Variants in DNAAF2 observed in about 807,000 individuals in gnomAD.
DNAAF2 encodes the protein protein kintoun.
In DNAAF2, 58 loss-of-function variants were observed where a neutral mutation model predicts 48.8. That is an observed-to-expected ratio of 1.19 (90% confidence interval 0.96 to 1.48). The LOEUF (loss-of-function observed/expected upper bound fraction) is 1.48. Ranked by LOEUF, DNAAF2 falls within the 40% of genes most tolerant of loss-of-function variation. The pLI, the probability that DNAAF2 is intolerant of heterozygous loss-of-function variation, is 0.00. For synonymous variants in DNAAF2, 567 were observed against 481.2 expected (o/e 1.18, Z -2.33); for missense variants, 1,241 against 1,116.1 (o/e 1.11, Z -1.59).
rs752558578 is a variant in DNAAF2, at chr14:49,634,477, G to T, written c.673C>A (p.Pro225Thr). The T allele has an allele frequency of 1.9e-6, 3 of 1,581,320 alleles. No homozygotes were observed. Among genetic ancestry groups the T allele is most frequent in the Non-Finnish European group, 1.7e-6 (2 of 1,169,694 alleles). The change falls in exon 1 of 3, where the codon CCC (proline) becomes ACC (threonine). Residue 225 changes from proline to threonine, a missense_variant. Physicochemically the swap from Pro to Thr is conservative, Grantham distance 38. Coordinates refer to ENST00000298292, the MANE Select transcript of DNAAF2 (RefSeq NM_018139.3). Reference protein sequence around the residue: ...GEPKGPLPDFPYPYQYPAAPG... With the variant: ...GEPKGPLPDFTYPYQYPAAPG... ...GCTGCCGGGTACTGGTAAGGGTAGG[G>T]GAAGTCCGGGAGAGGACCCTTCGGC...
chr14:49,633,841 C>A lies in DNAAF2; in HGVS notation c.1309G>T (p.Glu437Ter), dbSNP rs1185151033. The A allele has an allele frequency of 6.4e-7, 1 of 1,566,910 alleles. No homozygotes were observed. Among genetic ancestry groups the A allele is most frequent in the Non-Finnish European group, 8.6e-7 (1 of 1,164,236 alleles). ...AGEERVPKPG[E>*]QDLSRHAGSP... ...CCCGCGTGCCTGCTCAAGTCCTGCT[C>A]CCCCGGCTTGGGGACACGCTCCTCT... is the stretch of plus-strand genomic sequence containing the variant. Residue 437 changes from glutamate to a stop codon, truncating the protein, a stop_gained, in exon 1 of 3, where the codon GAG becomes TAG. Transcript: ENST00000298292. LOFTEE classifies it high-confidence loss of function.
At position 49,634,898 on chromosome 14, in the gene DNAAF2, CCCGTCCAGGCTGGTGCGCAGCACA is replaced by C. The variant is rs1404465441; in HGVS notation, c.228_251del (p.His76_Gly84delinsGln). ...AGACATTCACAAAGCAGCGCCGCGC[CCCGTCCAGGCTGGTGCGCAGCACA>C]TGGCCGGGCTCCGGGTGCACGAACC... On this transcript the variant is annotated inframe_deletion, in exon 1 of 3. Transcript: ENST00000298292. 7.1e-6 allele frequency: 11 copies of C among 1,550,312 alleles called. No individual in the cohort carries two copies. Among genetic ancestry groups the C allele is most frequent in the African/African-American group, 1.4e-5 (1 of 73,070 alleles).
intron 1 of DNAAF2, among the ~76,000 whole-genome samples, chr14:49,631,316 G>C (rs1883157430): frequency 6.6e-6 from 1 of 152,148 alleles, no homozygotes; most frequent in Non-Finnish European, 1.5e-5. Context: ...TAGTGGACAT[G>C]GTTATGATTA....
At chr14:49,631,137 A>C (rs1209494088) in intron 1 of DNAAF2, among the ~76,000 whole-genome samples, 1 of 152,208 alleles carries the variant, frequency 6.6e-6, no homozygotes, top group African/African-American at 2.4e-5. Context: ...TTTTACATTT[A>C]GAGTAACTGG....
chr14:49,627,050 T>A (rs972076941), intron 2 of DNAAF2, among the ~76,000 whole-genome samples: 6 of 151,650 alleles, frequency 4.0e-5, no homozygotes, highest in Non-Finnish European at 8.8e-5. Flanking sequence ...GTGATCCGCC[T>A]GCCTCGGTCT....
In DNAAF2 at chr14:49,633,622, T is replaced by A. The variant is rs571106004; in HGVS notation, c.1528A>T (p.Met510Leu). Residue 510 changes from methionine to leucine, a missense_variant, in exon 1 of 3, where the codon ATG (methionine) becomes TTG (leucine). Physicochemically the swap from Met to Leu is conservative, Grantham distance 15. Coordinates refer to ENST00000298292, the MANE Select transcript of DNAAF2 (RefSeq NM_018139.3). ...GTGGQRSACA[M>L]GGPGTKSGEP... ...CCGCTCTTGGTCCCGGGACCACCCATGGCGCAGGCTGAGCGCTGGCCGCCC... is the reference window on the plus strand; with the variant it reads ...CCGCTCTTGGTCCCGGGACCACCCAAGGCGCAGGCTGAGCGCTGGCCGCCC... 5.0e-6 allele frequency: 8 copies of A among 1,613,544 alleles called. No homozygotes were observed. In the South Asian group the frequency reaches 8.8e-5, roughly 18 times the overall value.
At chr14:49,632,291 A>G (rs775931387) in intron 1 of DNAAF2, among the ~76,000 whole-genome samples, 8 of 151,982 alleles carry the variant, frequency 5.3e-5, no homozygotes, top group Admixed American at 1.3e-4. Flanking sequence ...CCAGCTATTT[A>G]TTTTACCACT....
chr14:49,630,740 T>C (rs1460419770), intron 1 of DNAAF2, among the ~76,000 whole-genome samples: 1 of 136,872 alleles, frequency 7.3e-6, no homozygotes, highest in Non-Finnish European at 1.5e-5. Flanking sequence ...ACAAACTCTC[T>C]ACACACACAC....
chr14:49,625,944 A>G lies in DNAAF2; in HGVS notation c.2112T>C (p.Pro704=). 1.9e-6 allele frequency: 3 copies of G among 1,613,108 alleles called. No individual in the cohort carries two copies. Among genetic ancestry groups the G allele is most frequent in the Non-Finnish European group, 2.5e-6 (3 of 1,179,656 alleles). Residue 704 remains proline (P), a synonymous_variant, in exon 3 of 3, where the codon CCT becomes CCC. Transcript: ENST00000298292. ...CTATAGATGAATCAGAATCAGTTGT[A>G]GGGGTGTTACAATGTTCTATATATT... The part of the protein sequence containing the change: ...EKEYIEHCNT[P]TTDSDSSIAV...
At chr14:49,631,050 C>T (rs916846531) in intron 1 of DNAAF2, among the ~76,000 whole-genome samples, 8 of 152,212 alleles carry the variant, frequency 5.3e-5, no homozygotes, top group Middle Eastern at 3.4e-3. Context: ...CGCCTGGCTA[C>T]GTATTTTTCT....
rs762363546 is a variant in DNAAF2 at position 49,634,517 on chromosome 14, T to C, written c.633A>G (p.Ala211=). 1.9e-6 allele frequency: 3 copies of C among 1,600,690 alleles called. No homozygotes were observed. Among genetic ancestry groups the C allele is most frequent in the Middle Eastern group, 3.3e-4 (2 of 6,022 alleles). Residue 211 remains alanine (A), a synonymous_variant, in exon 1 of 3, where the codon GCA becomes GCG. Coordinates refer to ENST00000298292, the MANE Select transcript of DNAAF2 (RefSeq NM_018139.3). ...GACCCTTCGGCTCCCCGTCAGGCCTTGCGGGGATGACCCCGGGCAGGGGCG... is the reference window on the plus strand; with the variant it reads ...GACCCTTCGGCTCCCCGTCAGGCCTCGCGGGGATGACCCCGGGCAGGGGCG... ...LRTPLPGVIP[A]RPDGEPKGPL... is the part of the protein sequence containing the mutation.
chr14:49,635,125 A>G lies in DNAAF2; in HGVS notation c.25T>C (p.Ser9Pro), dbSNP rs1883311726. 6.4e-7 allele frequency: 1 copy of G among 1,565,386 alleles called. No individual in the cohort carries two copies. The highest frequency in any genetic ancestry group is 1.4e-5 in the African/African-American group (1 of 73,724). MAKAAASS[S>P]LEDLDLSGEE... ...CCGCTCAGGTCCAAGTCCTCCAGCG[A>G]CGAGGAGGCCGCCGCTTTGGCCATA... Residue 9 changes from serine (S) to proline (P), a missense_variant, in exon 1 of 3, where the codon TCG (serine) becomes CCG (proline). Transcript: ENST00000298292.
At position 49,634,675 on chromosome 14, in the gene DNAAF2, C is replaced by A. The variant is rs1269540715; in HGVS notation, c.475G>T (p.Gly159Cys). 1.2e-6 allele frequency: 2 copies of A among 1,606,380 alleles called. No homozygotes were observed. The highest frequency in any genetic ancestry group is 1.7e-6 in the Non-Finnish European group (2 of 1,179,702). The change falls in exon 1 of 3, where the codon GGC (glycine) becomes TGC (cysteine). Residue 159 changes from glycine to cysteine, a missense_variant. Physicochemically the swap from Gly to Cys is radical, Grantham distance 159. Coordinates refer to ENST00000298292, the MANE Select transcript of DNAAF2 (RefSeq NM_018139.3). ...DALALARRHE[G>C]FRQMLDATAL... ...GTGGCGTCCAGCATCTGGCGGAAGC[C>A]CTCGTGCCGCCGGGCCAGCGCAAGC...
Position 49,626,040 on chromosome 14 carries a change from T to C in DNAAF2, c.2016A>G (p.Glu672=), listed in dbSNP as rs1394192120. ...NKIQINAKLQ[E]CSNSDQLQGK... is the part of the protein sequence containing the mutation. Reference sequence around the variant, plus strand: ...CTTGTAGCTGATCAGAGTTACTACATTCTTGCAACTGTGTCAAGAGAAACA... The same window carrying C: ...CTTGTAGCTGATCAGAGTTACTACACTCTTGCAACTGTGTCAAGAGAAACA... Residue 672 remains glutamate (E), a synonymous_variant, in exon 3 of 3, where the codon GAA becomes GAG. Coordinates refer to ENST00000298292, the MANE Select transcript of DNAAF2 (RefSeq NM_018139.3). 4 of 1,473,526 alleles carry C rather than the reference T, an allele frequency of 2.7e-6. No homozygotes were observed. Among genetic ancestry groups the C allele is most frequent in the Non-Finnish European group, 3.6e-6 (4 of 1,114,758 alleles). 91.3% of individuals were successfully genotyped at this position (1,473,526 alleles called of 1,614,324 possible). A position where few individuals can be genotyped will look rare whatever the true frequency, so the allele number is the denominator to read the frequency against.
In DNAAF2 at chr14:49,633,837, TG is replaced by T; in HGVS notation, c.1312del (p.Gln438ArgfsTer3). The T allele has an allele frequency of 6.4e-7, 1 of 1,571,522 alleles. No homozygotes were observed. The highest frequency in any genetic ancestry group is 8.6e-7 in the Non-Finnish European group (1 of 1,166,634). ...TGACCCCGCGTGCCTGCTCAAGTCCTGCTCCCCCGGCTTGGGGACACGCTCC... is the reference window on the plus strand; with the variant it reads ...TGACCCCGCGTGCCTGCTCAAGTCCTCTCCCCCGGCTTGGGGACACGCTCC... ...GEERVPKPGEQDLSRHAGSPP... is the reference protein window; with the variant it reads ...GEERVPKPGEXDLSRHAGSPP... On this transcript the variant is annotated frameshift_variant, in exon 1 of 3. Transcript: ENST00000298292. LOFTEE classifies it high-confidence loss of function.
At chr14:49,630,245 A>ATAAG (rs1883118094) in intron 1 of DNAAF2, among the ~76,000 whole-genome samples, 1 of 151,536 alleles carries the variant, frequency 6.6e-6, no homozygotes, top group Admixed American at 6.6e-5. Context: ...AAATAAATAA[A>ATAAG]TAAATAAATA....
rs1345020918 is a variant in DNAAF2 at position 49,635,022 on chromosome 14, A to G, written c.128T>C (p.Leu43Pro). Residue 43 changes from leucine (L) to proline (P), a missense_variant, in exon 1 of 3, where the codon CTC becomes CCC. Physicochemically the swap from Leu to Pro is moderately conservative, Grantham distance 98. Transcript: ENST00000298292. ...RRMFSQYAEE[L>P]TDPENRRRYE... ...GCGCCGCCGGTTCTCCGGGTCGGTG[A>G]GCTCCTCGGCGTACTGGGAGAACAT... 1 of 1,573,268 alleles carries G rather than the reference A, an allele frequency of 6.4e-7. No homozygotes were observed.
chr14:49,633,815 C>A lies in DNAAF2; in HGVS notation c.1335G>T (p.Gly445=). The A allele has an allele frequency of 6.3e-7, 1 of 1,585,540 alleles. No homozygotes were observed. The highest frequency in any genetic ancestry group is 8.5e-7 in the Non-Finnish European group (1 of 1,173,456). ...PGEQDLSRHA[G]SPPGSVEEPS... ...GCTCCTCCACGCTGCCCGGCGGTGA[C>A]CCCGCGTGCCTGCTCAAGTCCTGCT... Residue 445 remains glycine, a synonymous_variant, in exon 1 of 3, where the codon GGG becomes GGT. Transcript: ENST00000298292.
chr14:49,634,545 C>G lies in DNAAF2; in HGVS notation c.605G>C (p.Arg202Pro). The G allele has an allele frequency of 6.2e-7, 1 of 1,602,774 alleles. No individual in the cohort carries two copies. Among genetic ancestry groups the G allele is most frequent in the Non-Finnish European group, 8.5e-7 (1 of 1,179,650 alleles). Residue 202 changes from arginine (R) to proline (P), a missense_variant, in exon 1 of 3, where the codon CGC becomes CCC. Arg to Pro is a moderately radical substitution (Grantham distance 103). Transcript: ENST00000298292. ...GGGGATGACCCCGGGCAGGGGCGTG[C>G]GCAGCACCGCAGCCTCTGGGGTCCC... is the stretch of plus-strand genomic sequence containing the variant. ...YKGTPEAAVL[R>P]TPLPGVIPAR...
Sources: gnomAD v4.1 joint callset for allele counts (sites outside exome capture counted in the v4.1 genomes callset) on GRCh38, gnomAD v4.1.1 for gene constraint, MANE v1.5 for transcripts, NCBI Gene and HGNC (gene_info 2026-07-23, HGNC 2026-07-21) for gene names.